Variants in SH3RF1 observed in about 807,000 individuals in gnomAD.
The protein encoded by SH3RF1 is SH3 domain containing ring finger 1.
SH3RF1 carries 32 observed loss-of-function variants against 74.0 expected under a neutral mutation model. The ratio of observed to expected loss-of-function variants is 0.43; its 90% CI spans 0.33 to 0.58. SH3RF1 has a LOEUF of 0.58. Ranked by LOEUF, SH3RF1 falls within the 20% of genes least tolerant of loss-of-function variation. The probability of loss-of-function intolerance (pLI) is 0.05; values close to 1 mark genes in which losing one functional copy is unlikely to be tolerated. For synonymous variants in SH3RF1, 396 were observed against 439.6 expected (o/e 0.90, Z 1.24); for missense variants, 954 against 1,130.9 (o/e 0.84, Z 2.24).
At chr4:169,186,777 C>A (rs895038158) in intron 2 of SH3RF1, among the ~76,000 whole-genome samples, 1 of 150,088 alleles carries the variant, frequency 6.7e-6, no homozygotes, top group Admixed American at 6.6e-5. Flanking sequence ...GAGGCTGAGG[C>A]AGGCGGATCA....
At chr4:169,220,580 A>C (rs1730549227) in intron 2 of SH3RF1, among the ~76,000 whole-genome samples, 1 of 152,214 alleles carries the variant, frequency 6.6e-6, no homozygotes, top group African/African-American at 2.4e-5. Context: ...TGGCCTTCGG[A>C]GAGATTTTAG....
chr4:169,103,172 G>A (rs1230023491), intron 11 of SH3RF1, among the ~76,000 whole-genome samples: 2 of 143,558 alleles, frequency 1.4e-5, no homozygotes, highest in South Asian at 2.2e-4. Flanking sequence ...TCCTGACCTC[G>A]TGATCCACCC....
At chr4:169,139,951 T>C (rs1733757778) in intron 4 of SH3RF1, among the ~76,000 whole-genome samples, 1 of 152,198 alleles carries the variant, frequency 6.6e-6, no homozygotes, top group Non-Finnish European at 1.5e-5. Flanking sequence ...ACAAGTTTCA[T>C]TTTTCTATTT....
chr4:169,269,055 C>G lies in SH3RF1; in HGVS notation c.158G>C (p.Arg53Thr), dbSNP rs1385350333. The stretch of plus-strand genomic sequence containing the variant: ...CTCGACACCCGAGCCAACAAGAGTC[C>G]TGCACTCGGGACATCTGAGTTCATT... ...SRNELRCPECRTLVGSGVEEL... is the reference protein window; with the variant it reads ...SRNELRCPECTTLVGSGVEEL... The change falls in exon 2 of 12, where the codon AGG becomes ACG. Residue 53 changes from arginine (R) to threonine (T), a missense_variant. By Grantham distance (71) the Arg-to-Thr change is moderately conservative. Around this residue, in one of 3 missense-constraint regions of SH3RF1, gnomAD observed 64 missense variants for 101.9 expected, o/e 0.63. Transcript: ENST00000284637. 6.2e-7 allele frequency: 1 copy of G among 1,614,186 alleles called. No homozygotes were observed. Among genetic ancestry groups the G allele is most frequent in the Admixed American group, 1.7e-5 (1 of 60,022 alleles).
chr4:169,192,250 G>A (rs185684861), intron 2 of SH3RF1, among the ~76,000 whole-genome samples: 6 of 151,376 alleles, frequency 4.0e-5, no homozygotes, highest in East Asian at 1.9e-4. Context: ...TAGACAGTTC[G>A]CAAAAGAAGA....
chr4:169,195,254 G>C (rs1243816628), intron 2 of SH3RF1, among the ~76,000 whole-genome samples: 2 of 152,118 alleles, frequency 1.3e-5, no homozygotes, highest in Non-Finnish European at 2.9e-5. Flanking sequence ...CCTTCTGCTG[G>C]CTACTGTTTC....
intron 4 of SH3RF1, 114 bp downstream of exon 4, chr4:169,155,366 G>C (rs1168943143): frequency 1.4e-6 from 1 of 718,162 alleles, no homozygotes; most frequent in African/African-American, 1.8e-5. Flanking sequence ...ATCTGTAACA[G>C]GGCATTCCTG....
chr4:169,201,793 T>C (rs1229992754), intron 2 of SH3RF1: 1 of 152,184 alleles, frequency 6.6e-6, no homozygotes, highest in Non-Finnish European at 1.5e-5. Flanking sequence ...CCAATGTAAG[T>C]CAAAGATTTA....
intron 2 of SH3RF1, among the ~76,000 whole-genome samples, chr4:169,223,187 A>C (rs180752685): frequency 9.2e-5 from 14 of 152,322 alleles, no homozygotes; most frequent in Admixed American, 9.1e-4. Context: ...ACAGACCCTC[A>C]TCAAGTGCAA....
intron 1 of SH3RF1, among the ~76,000 whole-genome samples, chr4:169,270,329 G>C (rs1159301653): frequency 6.6e-6 from 1 of 152,010 alleles, no homozygotes; most frequent in Non-Finnish European, 1.5e-5. Flanking sequence ...AGGTGTCGGC[G>C]GCACCCGGCA....
At chr4:169,180,069 A>C (rs906230322) in intron 2 of SH3RF1, among the ~76,000 whole-genome samples, 1 of 152,230 alleles carries the variant, frequency 6.6e-6, no homozygotes, top group Admixed American at 6.5e-5. Context: ...AAGCAGAAAC[A>C]AAAGAAAAAA....
intron 2 of SH3RF1, among the ~76,000 whole-genome samples, chr4:169,223,527 GT>G (rs1327058436): frequency 2.0e-5 from 3 of 152,170 alleles, no homozygotes; most frequent in Non-Finnish European, 2.9e-5. Context: ...GACAACGAAT[GT>G]TTACTGAACA....
intron 2 of SH3RF1, among the ~76,000 whole-genome samples, chr4:169,180,556 A>G (rs1191330900): frequency 6.6e-6 from 1 of 152,226 alleles, no homozygotes; most frequent in African/African-American, 2.4e-5. Context: ...AACGCAGAGT[A>G]AACAAGGGGA....
chr4:169,130,087 A>T lies in SH3RF1; in HGVS notation c.1138T>A (p.Phe380Ile). The T allele has an allele frequency of 6.2e-7, 1 of 1,613,594 alleles. No homozygotes were observed. Among genetic ancestry groups the T allele is most frequent in the Non-Finnish European group, 8.5e-7 (1 of 1,179,866 alleles). Residue 380 changes from phenylalanine (F) to isoleucine (I), a missense_variant, in exon 6 of 12, where the codon TTT becomes ATT. Phe to Ile is a conservative substitution (Grantham distance 21). Transcript: ENST00000284637. The stretch of plus-strand genomic sequence containing the variant: ...TAGGGAACATCTGATGGGAAAGTAA[A>T]CGAGGGGCCAGTTGTCACTGGGCTG... Reference protein sequence around the residue: ...PSSPVTTGPSFTFPSDVPYQA... With the variant: ...PSSPVTTGPSITFPSDVPYQA...
At chr4:169,240,900 C>T (rs1730896725) in intron 2 of SH3RF1, among the ~76,000 whole-genome samples, 1 of 152,164 alleles carries the variant, frequency 6.6e-6, no homozygotes, top group South Asian at 2.1e-4. Flanking sequence ...CCCCTCATTG[C>T]AAGGAAGCCT....
chr4:169,131,328 G>A (rs940210472), intron 5 of SH3RF1, among the ~76,000 whole-genome samples: 13 of 152,114 alleles, frequency 8.5e-5, no homozygotes, highest in Non-Finnish European at 1.9e-4. Context: ...TCCAGGGGGT[G>A]GCACTAAAAA....
chr4:169,131,363 T>C (rs1294846202), intron 5 of SH3RF1, among the ~76,000 whole-genome samples: 1 of 152,204 alleles, frequency 6.6e-6, no homozygotes, highest in Non-Finnish European at 1.5e-5. Flanking sequence ...ACCCAGTTTC[T>C]TCCTTTTCTT....
intron 2 of SH3RF1, among the ~76,000 whole-genome samples, chr4:169,192,086 ACAGT>A (rs1418530646): frequency 6.6e-6 from 1 of 152,234 alleles, no homozygotes; most frequent in Non-Finnish European, 1.5e-5. Flanking sequence ...AGCAAAAGAA[ACAGT>A]CAGCAGAGTA....
intron 2 of SH3RF1, among the ~76,000 whole-genome samples, chr4:169,260,708 A>C (rs1731263896): frequency 6.6e-6 from 1 of 152,204 alleles, no homozygotes; most frequent in East Asian, 1.9e-4. Flanking sequence ...TAAATAAATA[A>C]ATAAGGACTG....
Sources: allele counts gnomAD v4.1 joint callset (sites outside exome capture counted in the v4.1 genomes callset), GRCh38; gene constraint gnomAD v4.1.1; regional missense constraint gnomAD v4.1.1; transcripts MANE v1.5; gene names NCBI Gene and HGNC (gene_info 2026-07-23, HGNC 2026-07-21).